The following MVP variants were observed in gnomAD, a reference collection of about 807,000 sequenced individuals.
MVP encodes the protein lung resistance-related protein.
MVP carries 62 observed loss-of-function variants against 83.5 expected under a neutral mutation model. The ratio of observed to expected loss-of-function variants is 0.74; its 90% CI spans 0.61 to 0.92. MVP has a LOEUF of 0.92. MVP is among the 40% of genes least tolerant of loss of function. The pLI, the probability that MVP is intolerant of heterozygous loss-of-function variation, is 0.00. For synonymous variants in MVP, 505 were observed against 504.1 expected (o/e 1.00, Z -0.02); for missense variants, 1,000 against 1,203.4 (o/e 0.83, Z 2.50).
chr16:29,833,555 C>T (rs1034964306), intron 3 of MVP, 178 bp from the exon 4 acceptor site: 1 of 634,536 alleles, frequency 1.6e-6, no homozygotes, highest in Non-Finnish European at 2.6e-6. Flanking sequence ...AGCAATCCTC[C>T]TACCTCAGTC....
chr16:29,820,641 CAG>C (rs1035915737), intron 1 of MVP, 131 bp downstream of exon 1: 6 of 152,316 alleles, frequency 3.9e-5, no homozygotes, highest in African/African-American at 1.2e-4. Context: ...ATGTCTGAAT[CAG>C]AGTGGGGAAG....
At chr16:29,827,395 G>A (rs1301130773) in intron 1 of MVP, among the ~76,000 whole-genome samples, 6 of 152,160 alleles carry the variant, frequency 3.9e-5, no homozygotes, top group Admixed American at 6.6e-5. Context: ...GAAAGCAGCC[G>A]ATCAGAGTTG....
intron 1 of MVP, among the ~76,000 whole-genome samples, chr16:29,824,226 A>C (rs1334602701): frequency 6.0e-5 from 9 of 149,800 alleles, no homozygotes; most frequent in South Asian, 2.1e-4. Context: ...AAAAAAAAAA[A>C]AAAAAAAAAA....
In MVP at chr16:29,837,624, C is replaced by T. The variant is rs569324314; in HGVS notation, c.909+666C>T. ...CAAAAATTAGCCAGGTGTGGTGGCA[C>T]ACACCTGTAATTCCAGTTACTCGGG... On this transcript the variant is annotated intron_variant, in intron 7 of 14. Transcript: ENST00000357402. Among the ~76,000 whole-genome samples, 8 of 151,998 alleles carry T rather than the reference C, an allele frequency of 5.3e-5. No homozygotes were observed. The East Asian group carries it at 1.2e-3, about 22-fold the overall frequency.
In MVP at chr16:29,844,505, G is replaced by C. The variant is rs770866307; in HGVS notation, c.1647G>C (p.Val549=). 7.1e-6 allele frequency: 11 copies of C among 1,539,580 alleles called. No homozygotes were observed. Among genetic ancestry groups the C allele is most frequent in the Admixed American group, 4.1e-5 (2 of 48,780 alleles). ...LQLAYNWHFE[V]NDRKDPQETA... ...TGTTTGTTCACAGGCACTTTGAGGT[G>C]AATGACCGGAAGGACCCCCAAGAGA... The change falls in exon 11 of 15, where the codon GTG becomes GTC. Residue 549 remains valine (V), a synonymous_variant. Coordinates refer to ENST00000357402, the MANE Select transcript of MVP (RefSeq NM_005115.5).
At chr16:29,833,468 C>CTTTTTTTTTTTTT in intron 3 of MVP, 1 of 128,126 alleles carries the variant, frequency 7.8e-6, no homozygotes, top group Non-Finnish European at 1.5e-5. Context: ...CCTGGCTACA[C>CTTTTTTTTTTTTT]TTTTTTTTTT....
intron 10 of MVP, 60 bp from the exon 11 acceptor site, chr16:29,844,433 T>C (rs2067563499): frequency 4.0e-6 from 6 of 1,512,820 alleles, no homozygotes; most frequent in Non-Finnish European, 5.3e-6. Context: ...ACCTTGTCTC[T>C]TCTAAAGAGA....
Position 29,841,714 on chromosome 16 carries a change from G to GA in MVP, c.1310_1311insA (p.Glu439Ter). 6 of 1,612,778 alleles carry GA rather than the reference G, an allele frequency of 3.7e-6. No homozygotes were observed. The highest frequency in any genetic ancestry group is 1.1e-5 in the South Asian group (1 of 90,786). On this transcript the variant is annotated frameshift_variant, in exon 9 of 15. Transcript: ENST00000357402. LOFTEE classifies it high-confidence loss of function. The surrounding 1 kb of genome is among the most constrained non-coding windows in gnomAD (Gnocchi z 4.7). ...AAGGGGCAGGACCCTCTGGCAGACAGGGGTGAGAAGGACACAGCTAAGAGC... is the reference window on the plus strand; with the variant it reads ...AAGGGGCAGGACCCTCTGGCAGACAGAGGGTGAGAAGGACACAGCTAAGAGC...
intron 5 of MVP, chr16:29,835,356 T>C (rs1400673722): frequency 5.8e-6 from 1 of 173,024 alleles, no homozygotes; most frequent in African/African-American, 2.4e-5. Context: ...TAGCCGGGCG[T>C]GGTGGCACGT....
Position 29,830,866 on chromosome 16 carries a change from A to T in MVP, c.126-12A>T. On this transcript the variant is annotated splice_polypyrimidine_tract_variant and intron_variant, in intron 2 of 14. Coordinates refer to ENST00000357402, the MANE Select transcript of MVP (RefSeq NM_005115.5). The stretch of plus-strand genomic sequence containing the variant: ...GTCCCAGGTCCTCACACCTCTTCTC[A>T]TCTTCCTGCAGGGTACTGTTTGCCC... The T allele has an allele frequency of 6.2e-7, 1 of 1,605,152 alleles. No individual in the cohort carries two copies.
At chr16:29,847,603 T>G (rs1257150906) in intron 14 of MVP, among the ~76,000 whole-genome samples, 159 bp from the exon 15 acceptor site, 1 of 151,954 alleles carries the variant, frequency 6.6e-6, no homozygotes, top group African/African-American at 2.4e-5. Flanking sequence ...AGACAGGAAA[T>G]GGATGGGACG....
At position 29,841,717 on chromosome 16, in the gene MVP, G is replaced by T; in HGVS notation, c.1313G>T (p.Gly438Val). 6.2e-7 allele frequency: 1 copy of T among 1,612,886 alleles called. No homozygotes were observed. The highest frequency in any genetic ancestry group is 8.5e-7 in the Non-Finnish European group (1 of 1,179,662). Residue 438 changes from glycine (G) to valine (V), a missense_variant, in exon 9 of 15, where the codon GGT becomes GTT. Physicochemically the swap from Gly to Val is moderately radical, Grantham distance 109 (BLOSUM62 -3). Transcript: ENST00000357402. This position sits in a 1 kb window ranked among gnomAD's most constrained non-coding sequence, Gnocchi z 4.7. ...NKGQDPLADR[G>V]EKDTAKSLQP... Reference sequence around the variant, plus strand: ...GGGCAGGACCCTCTGGCAGACAGGGGTGAGAAGGACACAGCTAAGAGCCTC... The same window carrying T: ...GGGCAGGACCCTCTGGCAGACAGGGTTGAGAAGGACACAGCTAAGAGCCTC...
intron 1 of MVP, among the ~76,000 whole-genome samples, chr16:29,823,179 C>T (rs1247756788): frequency 4.5e-5 from 6 of 134,716 alleles, no homozygotes; most frequent in East Asian, 2.1e-4. Context: ...AGAGCGCACT[C>T]GTGTGCTCCA....
At chr16:29,833,702 G>A (rs984228852) in intron 3 of MVP, 31 bp from the exon 4 acceptor site, 2 of 1,613,232 alleles carry the variant, frequency 1.2e-6, no homozygotes, top group Non-Finnish European at 1.7e-6. Flanking sequence ...CAGCACTGAT[G>A]GTTCTGTGTC....
At chr16:29,833,468 C>CTT (rs34663728) in intron 3 of MVP, 1,984 of 128,786 alleles carry the variant, frequency 0.015, 31 homozygotes, top group African/African-American at 0.035. Flanking sequence ...CCTGGCTACA[C>CTT]TTTTTTTTTT....
intron 1 of MVP, among the ~76,000 whole-genome samples, chr16:29,828,956 C>T (rs934608862): frequency 2.0e-5 from 3 of 152,070 alleles, no homozygotes; most frequent in Non-Finnish European, 2.9e-5. Flanking sequence ...AGCCTTGATT[C>T]TGTAATCTGT....
chr16:29,831,814 C>G (rs1041370637), intron 3 of MVP: 3 of 434,332 alleles, frequency 6.9e-6, no homozygotes, highest in South Asian at 1.6e-5. Flanking sequence ...CAGGCCTGAA[C>G]CTACAGCCAG....
intron 10 of MVP, among the ~76,000 whole-genome samples, chr16:29,842,584 C>T (rs1260539418): frequency 6.6e-6 from 1 of 152,142 alleles, no homozygotes; most frequent in African/African-American, 2.4e-5. Context: ...GGATTACAGG[C>T]ATGAGCCACT....
At chr16:29,826,912 TG>T (rs1373713137) in intron 1 of MVP, among the ~76,000 whole-genome samples, 1 of 136,260 alleles carries the variant, frequency 7.3e-6, no homozygotes, top group African/African-American at 2.8e-5. Context: ...GGCGACAGAG[TG>T]AGAGTCCATC....
Sources: gnomAD v4.1 joint callset for allele counts (sites outside exome capture counted in the v4.1 genomes callset) on GRCh38, gnomAD v4.1.1 for gene constraint, Gnocchi (gnomAD v3.1) non-coding constraint, MANE v1.5 for transcripts, NCBI Gene and HGNC (gene_info 2026-07-23, HGNC 2026-07-21) for gene names.